Variants in EPM2A observed in about 807,000 individuals in gnomAD.
EPM2A encodes laforin.
In EPM2A, 21 loss-of-function variants were observed where a neutral mutation model predicts 26.5. The ratio of observed to expected loss-of-function variants is 0.79; its 90% confidence interval spans 0.56 to 1.14. The LOEUF is 1.14. Among genes scored for constraint, EPM2A ranks in the 50% most tolerant of loss-of-function variants. EPM2A has a pLI of 0.00. For synonymous variants in EPM2A, 217 were observed against 177.6 expected, an observed-to-expected ratio of 1.22 and a Z score of -1.76; for missense variants, 458 against 440.8, an observed-to-expected ratio of 1.04 and a Z score of -0.35.
At chr6:145,653,750 T>C (rs974487555) in intron 2 of EPM2A, among the ~76,000 whole-genome samples, 1 of 152,212 alleles carries the variant, frequency 6.6e-6, no homozygotes, top group Admixed American at 6.5e-5. Flanking sequence ...GGGAAGTCAG[T>C]CTTTTCTTAA....
chr6:145,617,824 C>T (rs1775548609), intron 2 of EPM2A, among the ~76,000 whole-genome samples: 1 of 152,070 alleles, frequency 6.6e-6, no homozygotes, highest in South Asian at 2.1e-4. Context: ...CACCGGTAGT[C>T]CCAGATACTC....
At chr6:145,493,640 T>G (rs370071869) in intron 4 of EPM2A, among the ~76,000 whole-genome samples, 105 of 152,330 alleles carry the variant, frequency 6.9e-4, no homozygotes, top group African/African-American at 2.4e-3. Flanking sequence ...TATATGGCTC[T>G]TGTTATTTTG....
chr6:145,470,793 T>TG (rs1258888864), intron 4 of EPM2A, among the ~76,000 whole-genome samples: 1 of 152,158 alleles, frequency 6.6e-6, no homozygotes, highest in Non-Finnish European at 1.5e-5. Flanking sequence ...CATAGGTAGT[T>TG]GTTGAATTTC....
At chr6:145,414,644 G>A (rs983968910) in intron 4 of EPM2A, among the ~76,000 whole-genome samples, 1 of 152,008 alleles carries the variant, frequency 6.6e-6, no homozygotes, top group Non-Finnish European at 1.5e-5. Context: ...AGAGAGTCCT[G>A]TGTTAACATC....
chr6:145,599,088 G>A (rs1319381201), intron 2 of EPM2A, among the ~76,000 whole-genome samples: 7 of 152,106 alleles, frequency 4.6e-5, no homozygotes, highest in South Asian at 2.1e-4. Context: ...TGGCTATTCG[G>A]GCTATTTTTC....
chr6:145,391,373 A>G (rs946900751), intron 4 of EPM2A, among the ~76,000 whole-genome samples: 4 of 152,158 alleles, frequency 2.6e-5, no homozygotes, highest in Admixed American at 6.5e-5. Flanking sequence ...GCCAGTTTAC[A>G]GAGGCTGTGC....
At chr6:145,559,119 A>T (rs1247237579) in intron 2 of EPM2A, among the ~76,000 whole-genome samples, 1 of 152,140 alleles carries the variant, frequency 6.6e-6, no homozygotes, top group Non-Finnish European at 1.5e-5. Context: ...GATCATCAGT[A>T]ACTTTGTATA....
At chr6:145,645,284 C>G (rs973977733) in intron 2 of EPM2A, among the ~76,000 whole-genome samples, 1 of 152,106 alleles carries the variant, frequency 6.6e-6, no homozygotes, top group Non-Finnish European at 1.5e-5. Flanking sequence ...TTATGTTATG[C>G]AAATGTTTCA....
chr6:145,614,112 C>T (rs903078140), intron 2 of EPM2A, among the ~76,000 whole-genome samples: 1 of 152,210 alleles, frequency 6.6e-6, no homozygotes, highest in Non-Finnish European at 1.5e-5. Context: ...GATAACTTGC[C>T]GCAGCTGCTA....
intron 2 of EPM2A, among the ~76,000 whole-genome samples, chr6:145,653,121 T>A (rs2128579993): frequency 6.6e-6 from 1 of 152,310 alleles, no homozygotes; most frequent in East Asian, 1.9e-4. Flanking sequence ...CATCACTTGA[T>A]ATGGTTAGGC....
intron 4 of EPM2A, among the ~76,000 whole-genome samples, chr6:145,422,749 T>A (rs1778805384): frequency 6.6e-6 from 1 of 152,150 alleles, no homozygotes; most frequent in African/African-American, 2.4e-5. Context: ...AATTTTGTTA[T>A]TTTTATCCTA....
chr6:145,643,988 T>C (rs1777273602), intron 2 of EPM2A, among the ~76,000 whole-genome samples: 1 of 152,002 alleles, frequency 6.6e-6, no homozygotes, highest in Non-Finnish European at 1.5e-5. Flanking sequence ...AGCCTGAGAG[T>C]CTGCATGTTC....
At chr6:145,439,852 T>C (rs1645283495) in intron 4 of EPM2A, among the ~76,000 whole-genome samples, 1 of 152,240 alleles carries the variant, frequency 6.6e-6, no homozygotes, top group African/African-American at 2.4e-5. Context: ...TTTGCTTTTG[T>C]TGCAATTGCT....
intron 1 of EPM2A, among the ~76,000 whole-genome samples, chr6:145,689,510 T>C (rs1240129133): frequency 6.6e-6 from 1 of 152,230 alleles, no homozygotes. Flanking sequence ...GTTCCCTGCA[T>C]TTTCTTTTTG....
At chr6:145,393,508 T>A (rs1472977158) in intron 4 of EPM2A, among the ~76,000 whole-genome samples, 1 of 152,180 alleles carries the variant, frequency 6.6e-6, no homozygotes, top group African/African-American at 2.4e-5. Flanking sequence ...ACAGTTTTTT[T>A]CCCCATTATA....
At chr6:145,663,630 T>G (rs917878778) in intron 2 of EPM2A, among the ~76,000 whole-genome samples, 2 of 150,674 alleles carry the variant, frequency 1.3e-5, no homozygotes, top group South Asian at 4.2e-4. Context: ...TCTAGCAAGG[T>G]AGGCCAACGT....
intron 2 of EPM2A, among the ~76,000 whole-genome samples, chr6:145,531,138 G>T (rs1411934161): frequency 2.6e-5 from 4 of 152,162 alleles, no homozygotes; most frequent in African/African-American, 7.2e-5. Context: ...AGGCTGGAAG[G>T]TTTTTGCAGA....
At chr6:145,480,969 A>G (rs1779605418) in intron 4 of EPM2A, among the ~76,000 whole-genome samples, 1 of 152,094 alleles carries the variant, frequency 6.6e-6, no homozygotes, top group South Asian at 2.1e-4. Flanking sequence ...CTGGAGTTGC[A>G]TGGGCCAAAG....
chr6:145,735,145 G>T (rs1210931579), intron 1 of EPM2A, 53 bp downstream of exon 1: 2 of 1,372,306 alleles, frequency 1.5e-6, no homozygotes, highest in Non-Finnish European at 2.0e-6. Context: ...CCGGTTGGGG[G>T]TGCGGGCCGG....
Sources: gnomAD v4.1 joint callset for allele counts (sites outside exome capture counted in the v4.1 genomes callset) on GRCh38, gnomAD v4.1.1 for gene constraint, MANE v1.5 for transcripts, NCBI Gene and HGNC (gene_info 2026-07-23, HGNC 2026-07-21) for gene names.